Variants in MLKL observed in about 807,000 individuals in gnomAD.
The protein encoded by MLKL is mixed lineage kinase domain-like protein.
MLKL carries 55 observed loss-of-function variants against 56.5 expected under a neutral mutation model. The observed-to-expected ratio is 0.97, with a 90% CI of 0.78 to 1.22. MLKL has a LOEUF of 1.22. Ranked by LOEUF, MLKL falls within the 50% of genes most tolerant of loss-of-function variation. MLKL has a pLI of 0.00. For synonymous variants in MLKL, 251 were observed against 208.3 expected (o/e 1.20, Z -1.76); for missense variants, 694 against 573.9 (o/e 1.21, Z -2.14).
chr16:74,675,590 T>C (rs756174471), intron 8 of MLKL, 23 bp downstream of exon 8: 16 of 1,606,450 alleles, frequency 1.0e-5, no homozygotes, highest in African/African-American at 4.0e-5. Context: ...TGAGTTAGAA[T>C]CTGTACCAGA....
At chr16:74,691,777 T>C (rs1230569594) in intron 3 of MLKL, among the ~76,000 whole-genome samples, 1 of 152,138 alleles carries the variant, frequency 6.6e-6, no homozygotes, top group East Asian at 1.9e-4. Flanking sequence ...GGATGTCTAT[T>C]CCTGTTACCC....
chr16:74,687,154 A>G (rs1567611164), intron 4 of MLKL, among the ~76,000 whole-genome samples: 1 of 151,894 alleles, frequency 6.6e-6, no homozygotes, highest in South Asian at 2.1e-4. Flanking sequence ...TTTTGTATTT[A>G]TAGTAGAGGC....
At chr16:74,697,623 A>C (rs892509057) in intron 1 of MLKL, among the ~76,000 whole-genome samples, 3 of 90,532 alleles carry the variant, frequency 3.3e-5, no homozygotes, top group African/African-American at 1.5e-4. Flanking sequence ...AGATTGCTTG[A>C]GGCCAGGAGT....
At chr16:74,676,634 G>A in intron 7 of MLKL, 1 of 253,152 alleles carries the variant, frequency 4.0e-6, no homozygotes, top group Non-Finnish European at 6.2e-6. Flanking sequence ...AGTGTTTTGG[G>A]AGTACTTATA....
intron 9 of MLKL, 31 bp from the exon 10 acceptor site, chr16:74,675,131 A>T: frequency 6.2e-7 from 1 of 1,611,688 alleles, no homozygotes; most frequent in South Asian, 1.1e-5. Flanking sequence ...GCCTCAAAAA[A>T]TTGCTCCGCT....
Position 74,682,702 on chromosome 16 carries a change from G to A in MLKL, c.905C>T (p.Thr302Ile). 1.2e-6 allele frequency: 2 copies of A among 1,614,132 alleles called. No homozygotes were observed. The highest frequency in any genetic ancestry group is 1.1e-5 in the South Asian group (1 of 91,082). ...RELLDREKDL[T>I]LGKRMVLVLG... is the part of the protein sequence containing the mutation. Reference sequence around the variant, plus strand: ...GACTAGGACCATGCGCTTGCCAAGTGTGAGGTCTTTTTCCCTATCCAACAG... The same window carrying A: ...GACTAGGACCATGCGCTTGCCAAGTATGAGGTCTTTTTCCCTATCCAACAG... The change falls in exon 6 of 11, where the codon ACA becomes ATA. Residue 302 changes from threonine to isoleucine, a missense_variant. Coordinates refer to ENST00000308807, the MANE Select transcript of MLKL (RefSeq NM_152649.4).
At chr16:74,676,574 T>A in intron 7 of MLKL, 2 of 616,476 alleles carry the variant, frequency 3.2e-6, no homozygotes, top group Non-Finnish European at 4.1e-6. Flanking sequence ...AAAGGTGGAA[T>A]AGCGCATCTT....
chr16:74,681,097 T>C (rs981503151), intron 6 of MLKL, among the ~76,000 whole-genome samples: 1 of 152,184 alleles, frequency 6.6e-6, no homozygotes, highest in Non-Finnish European at 1.5e-5. Flanking sequence ...CGATATCAGT[T>C]CATTGAAACC....
chr16:74,683,902 C>T (rs373735505), intron 5 of MLKL, among the ~76,000 whole-genome samples: 17 of 152,244 alleles, frequency 1.1e-4, no homozygotes, highest in African/African-American at 1.9e-4. Flanking sequence ...GGCACCTCAG[C>T]GGTCCCCAAG....
At chr16:74,673,772 T>C (rs566379882) in intron 10 of MLKL, among the ~76,000 whole-genome samples, 1 of 147,876 alleles carries the variant, frequency 6.8e-6, no homozygotes, top group East Asian at 1.9e-4. Context: ...AGAAGAGAGA[T>C]AGAAAGACAA....
At chr16:74,681,188 G>C (rs1959943239) in intron 6 of MLKL, among the ~76,000 whole-genome samples, 1 of 151,918 alleles carries the variant, frequency 6.6e-6, no homozygotes, top group South Asian at 2.1e-4. Flanking sequence ...ACCATGCTGG[G>C]CTAATTTCTG....
chr16:74,697,777 C>A (rs1014210849), intron 1 of MLKL, among the ~76,000 whole-genome samples: 20 of 151,936 alleles, frequency 1.3e-4, no homozygotes, highest in African/African-American at 2.7e-4. Flanking sequence ...TATGATGACA[C>A]CACTGCACTC....
chr16:74,685,026 A>G (rs1477785106), intron 5 of MLKL, among the ~76,000 whole-genome samples: 3 of 151,988 alleles, frequency 2.0e-5, no homozygotes, highest in Non-Finnish European at 4.4e-5. Flanking sequence ...CACCAGACCC[A>G]GCTAATTTTT....
At chr16:74,676,877 C>T (rs1959627211) in intron 7 of MLKL, 1 of 152,120 alleles carries the variant, frequency 6.6e-6, no homozygotes. Context: ...CTCTGTTCCC[C>T]TGGAAATCTG....
intron 5 of MLKL, among the ~76,000 whole-genome samples, chr16:74,684,466 G>A (rs1960199940): frequency 6.9e-6 from 1 of 145,290 alleles, no homozygotes; most frequent in Admixed American, 6.9e-5. Flanking sequence ...TGTCACATAA[G>A]GCTCTTGGTA....
chr16:74,697,199 A>C lies in MLKL; in HGVS notation c.-2-1440T>G, dbSNP rs558310356. On this transcript the variant is annotated intron_variant, in intron 1 of 10. Coordinates refer to ENST00000308807, the MANE Select transcript of MLKL (RefSeq NM_152649.4). Reference sequence around the variant, plus strand: ...CTTAACCTCTCTCTCTTCTCTGAACATGAGTGAGGAAGCACAGAGCCCTGA... The same window carrying C: ...CTTAACCTCTCTCTCTTCTCTGAACCTGAGTGAGGAAGCACAGAGCCCTGA... Among the ~76,000 whole-genome samples, 7 of 151,758 alleles carry C rather than the reference A, an allele frequency of 4.6e-5. No individual in the cohort carries two copies. In the South Asian group the frequency reaches 1.5e-3, roughly 32 times the overall value.
intron 2 of MLKL, among the ~76,000 whole-genome samples, chr16:74,693,101 A>G (rs539205832): frequency 1.3e-5 from 2 of 152,302 alleles, no homozygotes; most frequent in Admixed American, 6.5e-5. Flanking sequence ...TGAAATGCCT[A>G]CAGTCTTTGA....
chr16:74,699,790 T>A (rs1032228873), intron 1 of MLKL, among the ~76,000 whole-genome samples: 4 of 151,684 alleles, frequency 2.6e-5, no homozygotes, highest in East Asian at 1.9e-4. Flanking sequence ...ACAAAAAAAA[T>A]TTAATTGGGT....
At chr16:74,691,528 G>A in intron 3 of MLKL, 65 bp from the exon 4 acceptor site, 1 of 1,522,148 alleles carries the variant, frequency 6.6e-7, no homozygotes, top group Non-Finnish European at 8.9e-7. Context: ...GGTCCTAAGG[G>A]AGGTGGCATA....
Sources: allele counts gnomAD v4.1 joint callset (sites outside exome capture counted in the v4.1 genomes callset), GRCh38; gene constraint gnomAD v4.1.1; transcripts MANE v1.5; gene names NCBI Gene and HGNC (gene_info 2026-07-23, HGNC 2026-07-21).